The following CNTNAP5 variants were observed in gnomAD, a reference collection of about 807,000 sequenced individuals.
The protein encoded by CNTNAP5 is contactin-associated protein-like 5.
A neutral mutation model predicts 150.2 loss-of-function variants in CNTNAP5; 72 were observed. The ratio of observed to expected loss-of-function variants is 0.48; its 90% CI spans 0.40 to 0.58. The LOEUF (loss-of-function observed/expected upper bound fraction) is 0.58, where lower values mean the gene tolerates loss of function less well. Ranked by LOEUF, CNTNAP5 falls within the 20% of genes least tolerant of loss-of-function variation. The probability of loss-of-function intolerance (pLI) is 0.00; values close to 1 mark genes in which losing one functional copy is unlikely to be tolerated. For synonymous variants in CNTNAP5, 672 were observed against 619.8 expected (o/e 1.08, Z -1.25); for missense variants, 1,636 against 1,626.2 (o/e 1.01, Z -0.10).
intron 1 of CNTNAP5, among the ~76,000 whole-genome samples, chr2:124,160,356 C>G (rs554908866): frequency 6.6e-6 from 1 of 152,022 alleles, no homozygotes; most frequent in Non-Finnish European, 1.5e-5. Flanking sequence ...GACTAATATT[C>G]CCATCATGGA....
chr2:124,678,318 T>C (rs1678990557), intron 13 of CNTNAP5, among the ~76,000 whole-genome samples: 1 of 151,910 alleles, frequency 6.6e-6, no homozygotes, highest in Admixed American at 6.7e-5. Context: ...GGCTACATTC[T>C]GACAATTTAA....
chr2:124,507,305 A>G (rs1453140777), intron 8 of CNTNAP5, among the ~76,000 whole-genome samples: 1 of 152,052 alleles, frequency 6.6e-6, no homozygotes, highest in Non-Finnish European at 1.5e-5. Context: ...CAAAAAACTG[A>G]AAATTAGCCG....
chr2:124,265,491 C>A (rs901620881), intron 3 of CNTNAP5, among the ~76,000 whole-genome samples: 3 of 152,116 alleles, frequency 2.0e-5, no homozygotes, highest in African/African-American at 7.2e-5. Context: ...TTCACACTAG[C>A]CATTCTTAGA....
At chr2:124,560,610 T>A (rs1695869336) in intron 10 of CNTNAP5, among the ~76,000 whole-genome samples, 1 of 138,226 alleles carries the variant, frequency 7.2e-6, no homozygotes, top group African/African-American at 2.6e-5. Flanking sequence ...GTTAAAATTC[T>A]GTTAGTTGAA....
chr2:124,360,213 T>C (rs1299755939), intron 3 of CNTNAP5, among the ~76,000 whole-genome samples: 1 of 151,576 alleles, frequency 6.6e-6, no homozygotes, highest in Non-Finnish European at 1.5e-5. Context: ...GTACGTGAGA[T>C]GGGTTTCCTG....
chr2:124,777,870 A>G (rs910757526), intron 17 of CNTNAP5, among the ~76,000 whole-genome samples: 2 of 150,668 alleles, frequency 1.3e-5, no homozygotes, highest in Middle Eastern at 3.4e-3. Context: ...GCATGGTATC[A>G]TCTTCTCATG....
chr2:124,570,533 GC>G (rs2104938577), intron 11 of CNTNAP5, among the ~76,000 whole-genome samples: 1 of 151,206 alleles, frequency 6.6e-6, no homozygotes, highest in Non-Finnish European at 1.5e-5. Context: ...TTCTCTGCTG[GC>G]CAACTAAGAG....
At chr2:124,484,875 G>A (rs551898595) in intron 7 of CNTNAP5, among the ~76,000 whole-genome samples, 89 of 152,240 alleles carry the variant, frequency 5.8e-4, no homozygotes, top group African/African-American at 1.7e-3. Context: ...AAGAACTCCA[G>A]GTTAAATTTT....
At chr2:124,806,769 C>T (rs184401521) in intron 19 of CNTNAP5, among the ~76,000 whole-genome samples, 1 of 152,136 alleles carries the variant, frequency 6.6e-6, no homozygotes, top group Non-Finnish European at 1.5e-5. Flanking sequence ...GGTCAAGGGT[C>T]TCACAGCCGT....
At chr2:124,702,345 A>AATTTT (rs1679539092) in intron 13 of CNTNAP5, among the ~76,000 whole-genome samples, 1 of 71,488 alleles carries the variant, frequency 1.4e-5, no homozygotes, top group Non-Finnish European at 2.5e-5. Flanking sequence ...AACTATGAAC[A>AATTTT]CTTTTTTTTT....
intron 2 of CNTNAP5, among the ~76,000 whole-genome samples, chr2:124,234,241 C>A (rs1183080768): frequency 2.6e-5 from 4 of 152,124 alleles, no homozygotes; most frequent in Non-Finnish European, 5.9e-5. Context: ...TCCTGAGCAG[C>A]AGATGGGCAG....
At chr2:124,858,714 A>C (rs533952017) in intron 19 of CNTNAP5, among the ~76,000 whole-genome samples, 89 of 152,332 alleles carry the variant, frequency 5.8e-4, no homozygotes, top group African/African-American at 2.1e-3. Flanking sequence ...ATACACAAAA[A>C]ATAAAAAGAA....
At chr2:124,332,350 T>C (rs1689369710) in intron 3 of CNTNAP5, among the ~76,000 whole-genome samples, 1 of 151,332 alleles carries the variant, frequency 6.6e-6, no homozygotes, top group South Asian at 2.1e-4. Flanking sequence ...TTAGTAATTT[T>C]AATTACATAT....
intron 7 of CNTNAP5, among the ~76,000 whole-genome samples, chr2:124,496,694 C>T (rs1399658980): frequency 1.3e-5 from 2 of 152,154 alleles, no homozygotes; most frequent in Non-Finnish European, 2.9e-5. Context: ...AAATTAGTTT[C>T]CTGGAGTGGC....
chr2:124,510,245 C>CTATATATCTA (rs1171312738), intron 8 of CNTNAP5, among the ~76,000 whole-genome samples: 1 of 69,198 alleles, frequency 1.4e-5, no homozygotes, highest in African/African-American at 5.4e-5. Context: ...ATCTATATAT[C>CTATATATCTA]TATATCTATA....
rs1692562689 is a variant in CNTNAP5 at position 124,437,497 on chromosome 2, A to T, written c.733+2810A>T. The stretch of plus-strand genomic sequence containing the variant: ...TATTACCATCTCCAGGTGTTTTACT[A>T]TTAATTTTAGATTATAAAATATATA... On this transcript the variant is annotated intron_variant, in intron 5 of 23. Transcript: ENST00000682447. Among the ~76,000 whole-genome samples the T allele has an allele frequency of 2.0e-5, 3 of 152,202 alleles. No homozygotes were observed. In the South Asian group the frequency reaches 6.2e-4, roughly 32 times the overall value.
intron 12 of CNTNAP5, among the ~76,000 whole-genome samples, chr2:124,633,048 C>A (rs1677897401): frequency 6.6e-6 from 1 of 152,158 alleles, no homozygotes; most frequent in Admixed American, 6.5e-5. Flanking sequence ...CCACTTCCAA[C>A]ATTGGGGATT....
chr2:124,072,169 C>T (rs1236475336), intron 1 of CNTNAP5, among the ~76,000 whole-genome samples: 1 of 151,720 alleles, frequency 6.6e-6, no homozygotes, highest in Non-Finnish European at 1.5e-5. Context: ...AGATAAAATT[C>T]AACACTGATT....
intron 3 of CNTNAP5, among the ~76,000 whole-genome samples, chr2:124,250,028 A>G (rs1183806393): frequency 6.6e-6 from 1 of 151,402 alleles, no homozygotes; most frequent in Middle Eastern, 3.2e-3. Context: ...TATATAGATT[A>G]TCTCAGCTTT....
Sources: allele counts gnomAD v4.1 joint callset (sites outside exome capture counted in the v4.1 genomes callset), GRCh38; gene constraint gnomAD v4.1.1; transcripts MANE v1.5; gene names NCBI Gene and HGNC (gene_info 2026-07-23, HGNC 2026-07-21).